The following C4orf33 variants were observed in gnomAD, a reference collection of about 807,000 sequenced individuals.
C4orf33 encodes the protein UPF0462 protein C4orf33.
In C4orf33, 20 loss-of-function variants were observed where a neutral mutation model predicts 24.3. The ratio of observed to expected loss-of-function variants is 0.82; its 90% confidence interval spans 0.58 to 1.19. The LOEUF (loss-of-function observed/expected upper bound fraction) is 1.19, where lower values mean the gene tolerates loss of function less well. C4orf33 is among the 50% of genes most tolerant of loss of function. C4orf33 has a pLI of 0.00. For missense variants in C4orf33, 207 were observed against 225.9 expected, an observed-to-expected ratio of 0.92 and a Z score of 0.54; for synonymous variants, 67 against 76.4, an observed-to-expected ratio of 0.88 and a Z score of 0.64.
intron 1 of C4orf33, among the ~76,000 whole-genome samples, chr4:129,098,567 A>G (rs1753266776): frequency 6.6e-6 from 1 of 152,216 alleles, no homozygotes; most frequent in South Asian, 2.1e-4. Flanking sequence ...GGGAAAGCCC[A>G]GATTTGGGGC....
In C4orf33 at chr4:129,114,939, C is replaced by G. The variant is rs574862050; in HGVS notation, c.*3148C>G. 35 of 152,270 alleles carry G rather than the reference C, an allele frequency of 2.3e-4. 1 individual carries two copies. The highest frequency in any genetic ancestry group is 6.8e-3 in the Middle Eastern group (2 of 292). The allele number at this position is 152,270 out of a possible 1,614,324, so 9.4% of individuals were successfully genotyped here. A position where few individuals can be genotyped will look rare whatever the true frequency, so the allele number is the denominator to read the frequency against. On this transcript the variant is annotated 3_prime_UTR_variant, in exon 6 of 6. Coordinates refer to ENST00000425929, the MANE Select transcript of C4orf33 (RefSeq NM_001099783.2). ...ATCTTAAATGGGCAACTGTAGCAAC[C>G]ACAGCCTGACAAGGTAAAGCAACTA... is the stretch of plus-strand genomic sequence containing the variant.
intron 1 of C4orf33, among the ~76,000 whole-genome samples, chr4:129,097,856 C>T (rs560799631): frequency 1.3e-5 from 2 of 152,292 alleles, no homozygotes; most frequent in African/African-American, 2.4e-5. Context: ...TGATCCTTGC[C>T]AATCTAAGTG....
intron 1 of C4orf33, among the ~76,000 whole-genome samples, chr4:129,101,349 G>T (rs1341668708): frequency 6.6e-6 from 1 of 152,028 alleles, no homozygotes; most frequent in Non-Finnish European, 1.5e-5. Flanking sequence ...TATAGTAAAA[G>T]ACTGTAAATA....
intron 3 of C4orf33, among the ~76,000 whole-genome samples, chr4:129,107,926 C>T (rs1753565437): frequency 6.6e-6 from 1 of 151,910 alleles, no homozygotes; most frequent in Admixed American, 6.6e-5. Context: ...AGAAATTACA[C>T]AGTAATCATT....
intron 5 of C4orf33, 140 bp downstream of exon 5, chr4:129,109,812 A>C: frequency 1.1e-6 from 1 of 889,190 alleles, no homozygotes; most frequent in Non-Finnish European, 1.7e-6. Flanking sequence ...ATGTTCACTG[A>C]TGGTCCTCAG....
At chr4:129,100,389 C>T (rs1378112887) in intron 1 of C4orf33, among the ~76,000 whole-genome samples, 2 of 151,362 alleles carry the variant, frequency 1.3e-5, no homozygotes, top group African/African-American at 4.8e-5. Context: ...TATGTGTGGC[C>T]CAAGACACAC....
chr4:129,097,769 A>T (rs1314847707), intron 1 of C4orf33, among the ~76,000 whole-genome samples: 1 of 152,244 alleles, frequency 6.6e-6, no homozygotes, highest in African/African-American at 2.4e-5. Flanking sequence ...CACAGAGGCT[A>T]TATCAATTAT....
At chr4:129,096,142 C>T (rs916354338), upstream of C4orf33, 3 of 152,124 alleles carry the variant, frequency 2.0e-5, no homozygotes, top group Non-Finnish European at 4.4e-5. Context: ...TGGGTGGAGC[C>T]TAAAGCCGAG....
chr4:129,096,951 C>A (rs1753225116), intron 1 of C4orf33, among the ~76,000 whole-genome samples: 1 of 152,120 alleles, frequency 6.6e-6, no homozygotes, highest in Admixed American at 6.5e-5. Context: ...TGCTCTGTTG[C>A]CAGGCTGGAG....
chr4:129,106,617 C>A lies in C4orf33; in HGVS notation c.212C>A (p.Thr71Asn). 1 of 1,546,264 alleles carries A rather than the reference C, an allele frequency of 6.5e-7. No homozygotes were observed. Among genetic ancestry groups the A allele is most frequent in the Non-Finnish European group, 8.8e-7 (1 of 1,132,206 alleles). The change falls in exon 3 of 6, where the codon ACT (threonine) becomes AAT (asparagine). Residue 71 changes from threonine (T) to asparagine (N), a missense_variant. Physicochemically the swap from Thr to Asn is moderately conservative, Grantham distance 65. Coordinates refer to ENST00000425929, the MANE Select transcript of C4orf33 (RefSeq NM_001099783.2). Reference protein sequence around the residue: ...VVEAFFLNDITEQYLEVELCP... With the variant: ...VVEAFFLNDINEQYLEVELCP... ...GAAGCATTTTTCTTGAATGATATAA[C>A]TGAGCAATATTTAGAAGTTGAACTT...
upstream of C4orf33, among the ~76,000 whole-genome samples, chr4:129,094,241 A>T (rs1753102093): frequency 1.3e-5 from 2 of 152,334 alleles, no homozygotes; most frequent in African/African-American, 4.8e-5. Context: ...TAAAACTTAC[A>T]TTTGTGGATA....
chr4:129,102,848 A>C (rs185169775), intron 2 of C4orf33, 57 bp downstream of exon 2: 71 of 1,457,424 alleles, frequency 4.9e-5, no homozygotes, highest in Non-Finnish European at 6.0e-5. Flanking sequence ...ATAACCTCTC[A>C]CAGAACTATT....
Position 129,113,064 on chromosome 4 carries a change from T to A in C4orf33, c.*1273T>A, listed in dbSNP as rs1431784126. Reference sequence around the variant, plus strand: ...TAAAAACAAGATATATTTTAGAGCATCTTGATTTTAGAAGCGAATCGAACA... The same window carrying A: ...TAAAAACAAGATATATTTTAGAGCAACTTGATTTTAGAAGCGAATCGAACA... On this transcript the variant is annotated 3_prime_UTR_variant, in exon 6 of 6. Transcript: ENST00000425929. 2 of 152,152 alleles carry A rather than the reference T, an allele frequency of 1.3e-5. No individual in the cohort carries two copies. 9.4% of individuals were successfully genotyped at this position (152,152 alleles called of 1,614,324 possible). A position where few individuals can be genotyped will look rare whatever the true frequency, so the allele number is the denominator to read the frequency against.
chr4:129,108,951 A>T (rs1753599458), intron 3 of C4orf33, among the ~76,000 whole-genome samples: 1 of 151,790 alleles, frequency 6.6e-6, no homozygotes, highest in African/African-American at 2.4e-5. Flanking sequence ...CAGTGGCGCT[A>T]TCTTGGCTCA....
intron 2 of C4orf33, among the ~76,000 whole-genome samples, chr4:129,105,960 A>G (rs1273713235): frequency 6.6e-6 from 1 of 152,154 alleles, no homozygotes; most frequent in African/African-American, 2.4e-5. Flanking sequence ...CACACATGCA[A>G]TTTTAATGTC....
chr4:129,096,685 A>T (rs1936757039), intron 1 of C4orf33, among the ~76,000 whole-genome samples: 1 of 152,188 alleles, frequency 6.6e-6, no homozygotes, highest in South Asian at 2.1e-4. Flanking sequence ...AACTTGTTTT[A>T]AGAGCAATTT....
At chr4:129,108,153 A>G (rs758932657) in intron 3 of C4orf33, among the ~76,000 whole-genome samples, 3 of 152,180 alleles carry the variant, frequency 2.0e-5, no homozygotes, top group African/African-American at 4.8e-5. Context: ...CATAATAACA[A>G]TAAAAATAAT....
chr4:129,102,764 C>A lies in C4orf33; in HGVS notation c.154C>A (p.Pro52Thr). 1.2e-6 allele frequency: 2 copies of A among 1,613,524 alleles called. No individual in the cohort carries two copies. The highest frequency in any genetic ancestry group is 1.7e-6 in the Non-Finnish European group (2 of 1,179,802). ...AGCCCCACTTGGAGAACCAGGAAAACCTTTCAATGAACTGTGGGATTATGA... is the reference window on the plus strand; with the variant it reads ...AGCCCCACTTGGAGAACCAGGAAAAACTTTCAATGAACTGTGGGATTATGA... ...PPAPLGEPGK[P>T]FNELWDYEVV... Residue 52 changes from proline (P) to threonine (T), a missense_variant, in exon 2 of 6, where the codon CCT becomes ACT. Transcript: ENST00000425929.
intron 5 of C4orf33, 77 bp from the exon 6 acceptor site, chr4:129,111,609 T>C (rs75783155): frequency 0.036 from 28,720 of 787,262 alleles, 644 homozygotes; most frequent in South Asian, 0.049. Context: ...TGTGACAAAA[T>C]AAATAGCCCT....
Sources: gnomAD v4.1 joint callset for allele counts (sites outside exome capture counted in the v4.1 genomes callset) on GRCh38, gnomAD v4.1.1 for gene constraint, MANE v1.5 for transcripts, NCBI Gene and HGNC (gene_info 2026-07-23, HGNC 2026-07-21) for gene names.